NPIPB2: variants seen among roughly 807,000 people sequenced by gnomAD.
NPIPB2 encodes the protein nuclear pore complex-interacting protein family member B2.
A neutral mutation model predicts 30.8 loss-of-function variants in NPIPB2; 27 were observed. The ratio of observed to expected loss-of-function variants is 0.88; its 90% CI spans 0.65 to 1.21. NPIPB2 has a LOEUF of 1.21. NPIPB2 is among the 50% of genes most tolerant of loss of function. The pLI, the probability that NPIPB2 is intolerant of heterozygous loss-of-function variation, is 0.00. For missense variants in NPIPB2, 440 were observed against 446.2 expected (o/e 0.99, Z 0.13); for synonymous variants, 147 against 162.0 (o/e 0.91, Z 0.70).
upstream of NPIPB2, chr16:11,942,084 A>C (rs62040816): frequency 0.13 from 202,209 of 1,519,428 alleles, 15,000 homozygotes; most frequent in South Asian, 0.21. Context: ...AACCATCTCC[A>C]TCACATCCAT....
At chr16:11,961,189 A>G (rs183395978) in intron 1 of NPIPB2, among the ~76,000 whole-genome samples, 11 of 152,036 alleles carry the variant, frequency 7.2e-5, no homozygotes. Flanking sequence ...TTCTCTCCCT[A>G]TTTCTCTAAT....
intron 1 of NPIPB2, among the ~76,000 whole-genome samples, chr16:11,974,391 C>T (rs759317258): frequency 3.9e-5 from 6 of 152,108 alleles, no homozygotes; most frequent in Non-Finnish European, 8.8e-5. Flanking sequence ...TGGTGGCACA[C>T]CTGTAATCCT....
rs1325420852 is a variant in NPIPB2, at chr16:11,965,534, T to C, written c.-584+11034A>G. 2.1e-6 allele frequency: 3 copies of C among 1,423,856 alleles called. No individual in the cohort carries two copies. In the South Asian group the frequency reaches 4.0e-5, roughly 19 times the overall value. The allele number at this position is 1,423,856 out of a possible 1,614,324, so 88.2% of individuals were successfully genotyped here. On this transcript the variant is annotated intron_variant, in intron 1 of 5. Transcript: ENST00000538896. ...GGACTGCTTATTCAGAGAATCAACA[T>C]AATGGGCATGATGGTGAGTTTTCTT...
chr16:11,943,256 T>C (rs1355468760), upstream of NPIPB2, among the ~76,000 whole-genome samples: 6 of 151,702 alleles, frequency 4.0e-5, no homozygotes, highest in African/African-American at 1.2e-4. Context: ...GAGGCAGAGT[T>C]TGCAGTGAGC....
intron 1 of NPIPB2, among the ~76,000 whole-genome samples, chr16:11,954,578 C>T (rs1046359189): frequency 3.3e-5 from 5 of 151,674 alleles, no homozygotes; most frequent in African/African-American, 7.3e-5. Context: ...AAAAAAGACT[C>T]GATACATATT....
At chr16:11,975,086 A>T (rs1386923690) in intron 1 of NPIPB2, among the ~76,000 whole-genome samples, 6 of 149,444 alleles carry the variant, frequency 4.0e-5, no homozygotes, top group African/African-American at 1.5e-4. Context: ...AAAACAAAAC[A>T]AAACAAAAGA....
At chr16:11,958,881 T>C (rs1377253036) in intron 1 of NPIPB2, among the ~76,000 whole-genome samples, 1 of 152,154 alleles carries the variant, frequency 6.6e-6, no homozygotes, top group Non-Finnish European at 1.5e-5. Flanking sequence ...TTTGCACAAT[T>C]ATTGCAGGAT....
intron 2 of NPIPB2, among the ~76,000 whole-genome samples, chr16:11,935,549 G>C (rs1031660635): frequency 4.6e-5 from 7 of 152,112 alleles, no homozygotes; most frequent in African/African-American, 7.2e-5. Flanking sequence ...CCTGACCTCA[G>C]ATGATCCATC....
intron 1 of NPIPB2, among the ~76,000 whole-genome samples, chr16:11,975,779 T>A (rs1328249358): frequency 3.3e-5 from 5 of 151,884 alleles, no homozygotes; most frequent in Non-Finnish European, 5.9e-5. Context: ...TTAGTAGAGA[T>A]GGGGTTTCAC....
chr16:11,953,351 T>C (rs1419221551), intron 1 of NPIPB2, among the ~76,000 whole-genome samples: 4 of 151,972 alleles, frequency 2.6e-5, no homozygotes, highest in Non-Finnish European at 5.9e-5. Context: ...GGTTTTGTTT[T>C]TGTTTTCTTG....
At position 11,960,355 on chromosome 16, in the gene NPIPB2, T is replaced by C. The variant is rs1341448460; in HGVS notation, c.-584+16213A>G. ...TCTGGCTTCCCAGGTATGGTTCCCT[T>C]TTTTTTTTTTTTTTTTTGAGACAGA... On this transcript the variant is annotated intron_variant, in intron 1 of 5. Transcript: ENST00000538896. Among the ~76,000 whole-genome samples the C allele has an allele frequency of 5.4e-5, 4 of 74,242 alleles. No individual in the cohort carries two copies. The East Asian group carries it at 3.3e-3, about 62-fold the overall frequency. The allele number at this position is 74,242 out of a possible 152,430, so 48.7% of individuals were successfully genotyped here. A position where few individuals can be genotyped will look rare whatever the true frequency, so the allele number is the denominator to read the frequency against.
At chr16:11,942,941 A>G (rs2054958757), upstream of NPIPB2, among the ~76,000 whole-genome samples, 2 of 151,462 alleles carry the variant, frequency 1.3e-5, no homozygotes, top group Non-Finnish European at 3.0e-5. Flanking sequence ...GTTATTGTAA[A>G]CAGGAAATAT....
chr16:11,965,445 T>G, intron 1 of NPIPB2: 1 of 1,614,176 alleles, frequency 6.2e-7, no homozygotes, highest in Non-Finnish European at 8.5e-7. Context: ...TCAGCGTTAT[T>G]GTAATGCAAG....
intron 1 of NPIPB2, among the ~76,000 whole-genome samples, chr16:11,952,812 C>G (rs1010107450): frequency 8.5e-5 from 13 of 152,062 alleles, no homozygotes; most frequent in African/African-American, 3.1e-4. Flanking sequence ...GTAATCCACC[C>G]GCCTCGGCCT....
intron 1 of NPIPB2, among the ~76,000 whole-genome samples, chr16:11,947,823 C>T (rs572169828): frequency 1.3e-5 from 2 of 151,580 alleles, no homozygotes; most frequent in East Asian, 1.9e-4. Context: ...TGACCGGCTT[C>T]GTCCTGGGTT....
At chr16:11,948,428 A>C (rs1054929121) in intron 1 of NPIPB2, among the ~76,000 whole-genome samples, 1 of 152,152 alleles carries the variant, frequency 6.6e-6, no homozygotes, top group Non-Finnish European at 1.5e-5. Flanking sequence ...ACAAGTCTGT[A>C]GATCCAAGTA....
chr16:11,974,099 TGA>T (rs1220856539), intron 1 of NPIPB2, among the ~76,000 whole-genome samples: 2 of 152,154 alleles, frequency 1.3e-5, no homozygotes, highest in Non-Finnish European at 2.9e-5. Flanking sequence ...ATCCTGGCTT[TGA>T]GAGATTTGCT....
At chr16:11,937,445 T>C (rs1296538489) in intron 2 of NPIPB2, 95 bp downstream of exon 2, 1 of 745,234 alleles carries the variant, frequency 1.3e-6, no homozygotes, top group African/African-American at 1.8e-5. Context: ...TAAAACCACA[T>C]ATTCATAATG....
upstream of NPIPB2, among the ~76,000 whole-genome samples, chr16:11,944,752 A>C (rs894350128): frequency 2.3e-4 from 34 of 150,728 alleles, no homozygotes; most frequent in Non-Finnish European, 4.0e-4. Flanking sequence ...AAAAAAAAAA[A>C]AAAAAAAACT....
Sources: gnomAD v4.1 joint callset for allele counts (sites outside exome capture counted in the v4.1 genomes callset) on GRCh38, gnomAD v4.1.1 for gene constraint, MANE v1.5 for transcripts, NCBI Gene and HGNC (gene_info 2026-07-23, HGNC 2026-07-21) for gene names.